The following NRXN3 variants were observed in gnomAD, a reference collection of about 807,000 sequenced individuals.
The protein encoded by NRXN3 is neurexin 3.
NRXN3 carries 32 observed loss-of-function variants against 137.6 expected under a neutral mutation model. That is an observed-to-expected ratio of 0.23 (90% confidence interval 0.18 to 0.31). The LOEUF (loss-of-function observed/expected upper bound fraction) is 0.31, where lower values mean the gene tolerates loss of function less well. NRXN3 is among the 10% of genes least tolerant of loss of function. The pLI, the probability that NRXN3 is intolerant of heterozygous loss-of-function variation, is 1.00. For synonymous variants in NRXN3, 798 were observed against 784.5 expected (o/e 1.02, Z -0.29); for missense variants, 1,574 against 2,062.5 (o/e 0.76, Z 4.59).
chr14:79,102,169 C>G (rs768560667), intron 15 of NRXN3, among the ~76,000 whole-genome samples: 6 of 152,060 alleles, frequency 3.9e-5, no homozygotes, highest in Admixed American at 3.9e-4. Context: ...TTATGGCAAA[C>G]CCTAGGAATA....
At chr14:78,974,027 C>T (rs1039256058) in intron 14 of NRXN3, among the ~76,000 whole-genome samples, 1 of 151,944 alleles carries the variant, frequency 6.6e-6, no homozygotes, top group Non-Finnish European at 1.5e-5. Context: ...TTTATCGCCT[C>T]TTAGCAGATT....
At chr14:78,487,093 G>A (rs532491305) in intron 4 of NRXN3, among the ~76,000 whole-genome samples, 39 of 152,302 alleles carry the variant, frequency 2.6e-4, no homozygotes, top group Middle Eastern at 3.4e-3. Context: ...CTGACCTTCT[G>A]AATGTACCCA....
chr14:78,504,866 T>C (rs1179665371), intron 4 of NRXN3, among the ~76,000 whole-genome samples: 1 of 152,126 alleles, frequency 6.6e-6, no homozygotes, highest in Non-Finnish European at 1.5e-5. Flanking sequence ...AAGATAGACC[T>C]TCAAGTGGGC....
intron 10 of NRXN3, among the ~76,000 whole-genome samples, chr14:78,891,985 A>G (rs1261968042): frequency 2.0e-5 from 3 of 151,976 alleles, no homozygotes; most frequent in Non-Finnish European, 4.4e-5. Flanking sequence ...AAGCTTTATA[A>G]GGGGAAGTGA....
chr14:78,905,456 A>C (rs930816161), intron 10 of NRXN3, among the ~76,000 whole-genome samples: 1 of 152,008 alleles, frequency 6.6e-6, no homozygotes, highest in Non-Finnish European at 1.5e-5. Context: ...ACCTGATATC[A>C]TAACTTTTTT....
At chr14:79,649,142 A>G (rs771656112) in intron 16 of NRXN3, among the ~76,000 whole-genome samples, 6 of 152,042 alleles carry the variant, frequency 3.9e-5, no homozygotes, top group Non-Finnish European at 8.8e-5. Context: ...TCTGACCTTA[A>G]TCACTCCCTC....
chr14:79,479,589 A>C (rs2096589115), intron 16 of NRXN3, among the ~76,000 whole-genome samples: 1 of 152,058 alleles, frequency 6.6e-6, no homozygotes, highest in African/African-American at 2.4e-5. Context: ...ATTTATTTAA[A>C]TCCACAGTTA....
chr14:78,723,154 C>T (rs551602203), intron 8 of NRXN3, among the ~76,000 whole-genome samples: 3 of 152,162 alleles, frequency 2.0e-5, no homozygotes, highest in Non-Finnish European at 2.9e-5. Flanking sequence ...AAGCATACCA[C>T]GTTTAACAAT....
intron 4 of NRXN3, among the ~76,000 whole-genome samples, chr14:78,352,179 T>C (rs1007118677): frequency 2.6e-5 from 4 of 152,182 alleles, no homozygotes; most frequent in Non-Finnish European, 5.9e-5. Context: ...AGGTCTCTAG[T>C]GCAGCAGAAT....
chr14:78,355,050 TC>T, intron 4 of NRXN3, among the ~76,000 whole-genome samples: 1 of 152,250 alleles, frequency 6.6e-6, no homozygotes, highest in African/African-American at 2.4e-5. Flanking sequence ...GTGTGAACCC[TC>T]CCCACCTTTT....
intron 17 of NRXN3, among the ~76,000 whole-genome samples, chr14:79,671,936 A>G (rs1210676574): frequency 6.6e-6 from 1 of 152,090 alleles, no homozygotes; most frequent in Non-Finnish European, 1.5e-5. Flanking sequence ...GGGCACATAG[A>G]AACTTGCCCC....
chr14:79,091,771 G>T (rs1436806036), intron 15 of NRXN3, among the ~76,000 whole-genome samples: 1 of 152,044 alleles, frequency 6.6e-6, no homozygotes, highest in Non-Finnish European at 1.5e-5. Context: ...CACACATTCT[G>T]AAGTAAGGTG....
chr14:78,289,106 T>C (rs2075509016), intron 3 of NRXN3, among the ~76,000 whole-genome samples: 1 of 152,184 alleles, frequency 6.6e-6, no homozygotes, highest in African/African-American at 2.4e-5. Context: ...CTCTTCTGAG[T>C]CTCTGGAAAT....
intron 4 of NRXN3, among the ~76,000 whole-genome samples, chr14:78,441,623 T>A (rs140278129): frequency 7.2e-4 from 110 of 152,222 alleles, no homozygotes; most frequent in African/African-American, 2.6e-3. Flanking sequence ...TGAGTTTTGT[T>A]GTGGATTGAA....
chr14:79,680,215 G>T (rs2098662761), intron 17 of NRXN3, among the ~76,000 whole-genome samples: 1 of 152,140 alleles, frequency 6.6e-6, no homozygotes, highest in Admixed American at 6.6e-5. Context: ...AATGTTGCAG[G>T]CTGGGCGCAG....
intron 16 of NRXN3, among the ~76,000 whole-genome samples, chr14:79,532,712 T>C (rs1185691937): frequency 2.9e-4 from 44 of 152,210 alleles, no homozygotes; most frequent in Admixed American, 2.9e-3. Flanking sequence ...TCTTTCCCCA[T>C]ACTCATTTCT....
intron 16 of NRXN3, among the ~76,000 whole-genome samples, chr14:79,556,827 A>T (rs2097434253): frequency 6.6e-6 from 1 of 152,108 alleles, no homozygotes; most frequent in African/African-American, 2.4e-5. Flanking sequence ...AAGTTCTGGG[A>T]TTATAGGCAC....
rs796435942 is a variant in NRXN3, at chr14:78,192,107, T to TGTGTGAGA, written c.-704+21434_-704+21435insTGTGAGAG. Among the ~76,000 whole-genome samples, 56 of 140,522 alleles carry TGTGTGAGA rather than the reference T, an allele frequency of 4.0e-4. 1 individual carries two copies. Among genetic ancestry groups the TGTGTGAGA allele is most frequent in the African/African-American group, 2.3e-4 (9 of 38,474 alleles). The allele number at this position is 140,522 out of a possible 152,430, so 92.2% of individuals were successfully genotyped here. On this transcript the variant is annotated intron_variant, in intron 1 of 20. Transcript: ENST00000335750. ...GTGTGTGTGTGTGTGTGTGTGTGTG[T>TGTGTGAGA]GAGAGAGAGAGCATACATGTGTGCA...
chr14:78,993,734 G>A (rs946357900), intron 15 of NRXN3, among the ~76,000 whole-genome samples: 3 of 151,776 alleles, frequency 2.0e-5, no homozygotes, highest in Non-Finnish European at 4.4e-5. Context: ...AGTGTATAGC[G>A]AGGAGTCATA....
Sources: allele counts gnomAD v4.1 joint callset (sites outside exome capture counted in the v4.1 genomes callset), GRCh38; gene constraint gnomAD v4.1.1; transcripts MANE v1.5; gene names NCBI Gene and HGNC (gene_info 2026-07-23, HGNC 2026-07-21).